Variants in AMOTL1 observed in about 807,000 individuals in gnomAD.
AMOTL1 encodes the protein angiomotin-like protein 1.
AMOTL1 carries 45 observed loss-of-function variants against 102.9 expected under a neutral mutation model. The ratio of observed to expected loss-of-function variants is 0.44; its 90% CI spans 0.34 to 0.56. AMOTL1 has a LOEUF of 0.56. AMOTL1 is among the 20% of genes least tolerant of loss of function. The pLI is 0.01. For missense variants in AMOTL1, 1,114 were observed against 1,225.6 expected (o/e 0.91, Z 1.36); for synonymous variants, 481 against 484.7 (o/e 0.99, Z 0.10).
chr11:94,867,660 A>G (rs1441054375), intron 11 of AMOTL1, among the ~76,000 whole-genome samples: 1 of 152,180 alleles, frequency 6.6e-6, no homozygotes, highest in Non-Finnish European at 1.5e-5. Flanking sequence ...AGTTCCCCAC[A>G]TGTTGTCACC....
intron 1 of AMOTL1, among the ~76,000 whole-genome samples, chr11:94,718,683 C>T (rs1640169633): frequency 6.6e-6 from 1 of 151,618 alleles, no homozygotes; most frequent in Admixed American, 6.6e-5. Context: ...TCTTTTTATA[C>T]TTTTATAATT....
chr11:94,810,803 A>AT (rs1951665338), intron 3 of AMOTL1, among the ~76,000 whole-genome samples: 1 of 149,908 alleles, frequency 6.7e-6, no homozygotes, highest in South Asian at 2.1e-4. Flanking sequence ...CAAAAAAAAA[A>AT]GAAAGATCCT....
chr11:94,834,743 G>T (rs1361064921), intron 6 of AMOTL1, among the ~76,000 whole-genome samples: 1 of 152,142 alleles, frequency 6.6e-6, no homozygotes, highest in Admixed American at 6.5e-5. Context: ...TGTTCGCACG[G>T]AAACTAGCCA....
intron 3 of AMOTL1, chr11:94,741,008 C>A (rs1178677271): frequency 1.6e-6 from 2 of 1,288,496 alleles, no homozygotes; most frequent in Admixed American, 4.6e-5. Context: ...CTCATTTTGT[C>A]TTTTATTTCT....
chr11:94,845,048 T>G (rs887542801), intron 6 of AMOTL1, among the ~76,000 whole-genome samples: 12 of 152,244 alleles, frequency 7.9e-5, no homozygotes, highest in Admixed American at 7.2e-4. Flanking sequence ...GCACTGAATA[T>G]GAAGCTGTAG....
At chr11:94,722,640 T>C (rs2135446374) in intron 1 of AMOTL1, among the ~76,000 whole-genome samples, 1 of 152,254 alleles carries the variant, frequency 6.6e-6, no homozygotes, top group Middle Eastern at 3.4e-3. Flanking sequence ...CTTGCTCTCA[T>C]CCACGATATA....
intron 8 of AMOTL1, among the ~76,000 whole-genome samples, chr11:94,856,210 A>G (rs1387409640): frequency 7.9e-5 from 12 of 152,092 alleles, no homozygotes; most frequent in Admixed American, 7.2e-4. Flanking sequence ...TGGGACCAGA[A>G]GTGTTTTAGA....
rs182917375 is a variant in AMOTL1, at chr11:94,761,342, C to T, written c.136+20354C>T. Among the ~76,000 whole-genome samples the T allele has an allele frequency of 3.2e-3, 483 of 152,044 alleles. 5 individuals carry two copies. Among genetic ancestry groups the T allele is most frequent in the African/African-American group, 0.011 (451 of 41,466 alleles). On this transcript the variant is annotated intron_variant, in intron 3 of 4. Transcript: ENST00000299004. ...TAGCTTGGATTACAGGCACCTGCCA[C>T]CATGCCTGGCTAATTTTTGTATTTT...
chr11:94,859,410 G>A (rs1952729886), intron 8 of AMOTL1, 115 bp from the exon 9 acceptor site: 1 of 1,016,816 alleles, frequency 9.8e-7, no homozygotes, highest in Non-Finnish European at 1.4e-6. Flanking sequence ...AGGTGAAGTA[G>A]CATGGTGTGT....
rs759773319 is a variant in AMOTL1, at chr11:94,768,581, G to A, written c.49+21G>A. On this transcript the variant is annotated intron_variant, in intron 1 of 12. Transcript: ENST00000433060. ...GAAAGGTAACCAGCCCCCACTCGAG[G>A]TGCCGGGAGGGCGTCTCCGAGTCTC... is the stretch of plus-strand genomic sequence containing the variant. The A allele has an allele frequency of 1.9e-6, 3 of 1,583,342 alleles. No individual in the cohort carries two copies. In the South Asian group the frequency reaches 3.5e-5, roughly 18 times the overall value.
rs1249617344 is a variant in AMOTL1, at chr11:94,801,974, T to A, written c.1121+1663T>A. The stretch of plus-strand genomic sequence containing the variant: ...GACCTCAGTGGCTATGTGCAGGACA[T>A]ACCTTGGCTGTACATCTTCTGAAAA... On this transcript the variant is annotated intron_variant, in intron 3 of 12. Transcript: ENST00000433060. Among the ~76,000 whole-genome samples, 3 of 152,200 alleles carry A rather than the reference T, an allele frequency of 2.0e-5. No individual in the cohort carries two copies. In the East Asian group the frequency reaches 5.8e-4, roughly 29 times the overall value.
intron 1 of AMOTL1, among the ~76,000 whole-genome samples, chr11:94,708,155 G>A (rs781360204): frequency 1.5e-4 from 23 of 151,972 alleles, no homozygotes; most frequent in Non-Finnish European, 2.9e-4. Flanking sequence ...CCCTTAGCTC[G>A]TCCCCCCTGC....
In AMOTL1 at chr11:94,800,211, A is replaced by G. The variant is rs1481854997; in HGVS notation, c.1021A>G (p.Met341Val). ...GLFYGDQHPGMLHEMVKPYPA... is the reference protein window; with the variant it reads ...GLFYGDQHPGVLHEMVKPYPA... ...TTTTTATGGTGACCAGCACCCCGGGATGCTCCACGAGATGGTCAAGCCCTA... is the reference window on the plus strand; with the variant it reads ...TTTTTATGGTGACCAGCACCCCGGGGTGCTCCACGAGATGGTCAAGCCCTA... The change falls in exon 3 of 13, where the codon ATG (methionine) becomes GTG (valine). Residue 341 changes from methionine to valine, a missense_variant. Transcript: ENST00000433060. The G allele has an allele frequency of 6.2e-7, 1 of 1,613,944 alleles. No homozygotes were observed. Among genetic ancestry groups the G allele is most frequent in the South Asian group, 1.1e-5 (1 of 91,084 alleles).
intron 3 of AMOTL1, among the ~76,000 whole-genome samples, chr11:94,747,981 T>C (rs752456390): frequency 2.6e-5 from 4 of 152,152 alleles, no homozygotes; most frequent in Admixed American, 6.6e-5. Context: ...AGTCTAGTTA[T>C]ATGCCAGGAA....
intron 2 of AMOTL1, among the ~76,000 whole-genome samples, chr11:94,737,351 T>C (rs371904126): frequency 1.3e-5 from 2 of 152,256 alleles, no homozygotes; most frequent in African/African-American, 4.8e-5. Context: ...TATCTTCTTT[T>C]AGTAACTCAA....
At chr11:94,783,424 G>A (rs1951138697) in intron 1 of AMOTL1, among the ~76,000 whole-genome samples, 1 of 152,200 alleles carries the variant, frequency 6.6e-6, no homozygotes. Context: ...CATCATGGCT[G>A]ATGATAAATT....
intron 4 of AMOTL1, among the ~76,000 whole-genome samples, chr11:94,829,272 G>A (rs1158641222): frequency 6.8e-6 from 1 of 147,038 alleles, no homozygotes; most frequent in African/African-American, 2.5e-5. Context: ...GCCCTAGGCT[G>A]GAGTGCAGTG....
chr11:94,706,472 CT>C (rs1325868370), exon 1 of AMOTL1: 3 of 152,228 alleles, frequency 2.0e-5, no homozygotes, highest in Admixed American at 2.0e-4. Flanking sequence ...TCTTTTTAAA[CT>C]CCACGGCACC....
chr11:94,860,201 C>A lies in AMOTL1; in HGVS notation c.2135+486C>A, dbSNP rs80232956. ...GAAGAATAGATAATCCCCATAGCAG[C>A]CCTGAGGGCAGGTATATTATTATCA... On this transcript the variant is annotated intron_variant, in intron 9 of 12. Transcript: ENST00000433060. Among the ~76,000 whole-genome samples, 403 of 152,216 alleles carry A rather than the reference C, an allele frequency of 2.6e-3. 2 individuals are homozygous for A. The highest frequency in any genetic ancestry group is 9.4e-3 in the African/African-American group (389 of 41,526).
Sources: allele counts gnomAD v4.1 joint callset (sites outside exome capture counted in the v4.1 genomes callset), GRCh38; gene constraint gnomAD v4.1.1; transcripts MANE v1.5; gene names NCBI Gene and HGNC (gene_info 2026-07-23, HGNC 2026-07-21).